Variants in SPHKAP observed in about 807,000 individuals in gnomAD.
The protein encoded by SPHKAP is SPHK1 interactor, AKAP domain containing, also known as A-kinase anchor protein SPHKAP.
A neutral mutation model predicts 137.5 loss-of-function variants in SPHKAP; 67 were observed. The ratio of observed to expected loss-of-function variants is 0.49; its 90% CI spans 0.40 to 0.60. SPHKAP has a LOEUF of 0.60. SPHKAP is among the 20% of genes least tolerant of loss of function. The pLI is 0.00. For missense variants in SPHKAP, 2,097 were observed against 2,069.3 expected, an observed-to-expected ratio of 1.01 and a Z score of -0.26; for synonymous variants, 813 against 785.3, an observed-to-expected ratio of 1.04 and a Z score of -0.59.
At chr2:228,171,485 G>A (rs1378855700) in intron 1 of SPHKAP, among the ~76,000 whole-genome samples, 3 of 152,250 alleles carry the variant, frequency 2.0e-5, no homozygotes, top group Non-Finnish European at 4.4e-5. Flanking sequence ...TTGTATAGGT[G>A]AGTCTCTTCT....
chr2:228,010,317 A>G lies in SPHKAP; in HGVS notation c.4448+6089T>C, dbSNP rs545347428. ...AGAGGCAGGTGGATCACCTGAGGTC[A>G]GGAGTTCAAGACCAGCCTGGCCAAC... On this transcript the variant is annotated intron_variant, in intron 7 of 11. Transcript: ENST00000392056. Among the ~76,000 whole-genome samples the G allele has an allele frequency of 3.3e-5, 5 of 152,298 alleles. No homozygotes were observed. In the South Asian group the frequency reaches 1.0e-3, roughly 32 times the overall value.
chr2:228,167,688 A>G (rs1380287941), intron 1 of SPHKAP, among the ~76,000 whole-genome samples: 2 of 152,218 alleles, frequency 1.3e-5, no homozygotes, highest in African/African-American at 4.8e-5. Context: ...CTATTCGTAT[A>G]CGCAGTCTAC....
rs777969051 is a variant in SPHKAP, at chr2:227,991,289, A to G, written c.4759T>C (p.Ser1587Pro). The G allele has an allele frequency of 1.9e-6, 3 of 1,614,214 alleles. No homozygotes were observed. In the South Asian group the frequency reaches 3.3e-5, roughly 18 times the overall value. The change falls in exon 10 of 12, where the codon TCA becomes CCA. Residue 1587 changes from serine (S) to proline (P), a missense_variant. Physicochemically the swap from Ser to Pro is moderately conservative, Grantham distance 74 (BLOSUM62 -1). Transcript: ENST00000392056. ...VEEKKILKGQ[S>P]ESTEAPASGP... ...GGTGGCTTACCCTCTGTGCTTTCTG[A>G]CTGTCCTTTAAGAATCTTCTTTTCT...
intron 2 of SPHKAP, among the ~76,000 whole-genome samples, chr2:228,109,952 G>C (rs12996180): frequency 6.4e-4 from 19 of 29,612 alleles, no homozygotes; most frequent in East Asian, 1.5e-3. Flanking sequence ...GAGTGAAAAT[G>C]TCTCAAAAAA....
chr2:228,099,333 G>T (rs1341540392), intron 3 of SPHKAP, among the ~76,000 whole-genome samples: 1 of 152,120 alleles, frequency 6.6e-6, no homozygotes, highest in East Asian at 1.9e-4. Context: ...CCAGATGGTG[G>T]TAGATGTGCA....
rs562493561 is a variant in SPHKAP at position 228,120,856 on chromosome 2, G to A, written c.138+11124C>T. Among the ~76,000 whole-genome samples, 126 of 152,262 alleles carry A rather than the reference G, an allele frequency of 8.3e-4. 1 individual carries two copies. The highest frequency in any genetic ancestry group is 6.8e-3 in the Middle Eastern group (2 of 294). On this transcript the variant is annotated intron_variant, in intron 2 of 11. Coordinates refer to ENST00000392056, the MANE Select transcript of SPHKAP (RefSeq NM_001142644.2). ...GAGTTACAAAAACAGATACACTCAG[G>A]AAATGCAAATATAGTATAATTTATG...
chr2:228,122,688 C>T (rs2106364666), intron 2 of SPHKAP, among the ~76,000 whole-genome samples: 1 of 152,298 alleles, frequency 6.6e-6, no homozygotes, highest in Middle Eastern at 3.4e-3. Context: ...CCATTCTTGA[C>T]CTGCTTTTGC....
intron 3 of SPHKAP, among the ~76,000 whole-genome samples, chr2:228,039,440 GT>G (rs1553616241): frequency 1.2e-4 from 7 of 60,040 alleles, no homozygotes; most frequent in African/African-American, 4.1e-4. Context: ...GAAATACACA[GT>G]TTTTTTTAGT....
At chr2:228,179,433 G>T (rs1700835703) in intron 1 of SPHKAP, among the ~76,000 whole-genome samples, 1 of 152,096 alleles carries the variant, frequency 6.6e-6, no homozygotes, top group African/African-American at 2.4e-5. Context: ...AATCCCTATG[G>T]CTTTCAATTA....
chr2:228,031,043 G>A (rs148882477), intron 3 of SPHKAP, among the ~76,000 whole-genome samples: 313 of 152,292 alleles, frequency 2.1e-3, no homozygotes, highest in African/African-American at 6.7e-3. Flanking sequence ...GCAGCGCACC[G>A]TGCATGAGCC....
chr2:228,162,079 T>G (rs1700291687), intron 1 of SPHKAP, among the ~76,000 whole-genome samples: 1 of 152,226 alleles, frequency 6.6e-6, no homozygotes, highest in Non-Finnish European at 1.5e-5. Context: ...TTTGTTTTTA[T>G]TTTTGATAGA....
At chr2:227,993,973 G>T in intron 8 of SPHKAP, 2 of 835,966 alleles carry the variant, frequency 2.4e-6, no homozygotes, top group Non-Finnish European at 2.9e-6. Context: ...TTTATCTATC[G>T]GCAAGAGATT....
chr2:228,067,101 GT>G lies in SPHKAP; in HGVS notation c.247-39559del, dbSNP rs1273318820. Reference sequence around the variant, plus strand: ...TATGTTGAAAGACTCAACAACCTTGGTTTTTTATGTTGTCGTTGCATGGTGA... The same window carrying G: ...TATGTTGAAAGACTCAACAACCTTGGTTTTTATGTTGTCGTTGCATGGTGA... On this transcript the variant is annotated intron_variant, in intron 3 of 11. Coordinates refer to ENST00000392056, the MANE Select transcript of SPHKAP (RefSeq NM_001142644.2). Among the ~76,000 whole-genome samples the G allele has an allele frequency of 2.0e-5, 3 of 152,276 alleles. No homozygotes were observed. The South Asian group carries it at 6.2e-4, about 32-fold the overall frequency.
At chr2:228,045,967 T>C (rs1348039918) in intron 3 of SPHKAP, among the ~76,000 whole-genome samples, 3 of 152,096 alleles carry the variant, frequency 2.0e-5, no homozygotes, top group African/African-American at 7.2e-5. Context: ...AGTTTTAAGA[T>C]GAATCAGTTC....
intron 7 of SPHKAP, among the ~76,000 whole-genome samples, chr2:228,008,331 C>A: frequency 6.8e-6 from 1 of 146,568 alleles, no homozygotes; most frequent in East Asian, 2.0e-4. Flanking sequence ...GAGTCTTGCT[C>A]TGTCACCCAG....
At chr2:228,021,991 A>C in intron 5 of SPHKAP, 25 bp from the exon 6 acceptor site, 1 of 1,550,108 alleles carries the variant, frequency 6.5e-7, no homozygotes, top group East Asian at 2.3e-5. Context: ...AAAAGAAGGC[A>C]TTTATTCAAA....
intron 1 of SPHKAP, among the ~76,000 whole-genome samples, chr2:228,154,512 C>CTCTCTCTCTA (rs1393941364): frequency 2.9e-3 from 63 of 22,064 alleles, no homozygotes; most frequent in South Asian, 4.6e-3. Context: ...CTCTCTCTCT[C>CTCTCTCTCTA]TATATATATA....
chr2:228,117,896 A>G (rs1206490668), intron 2 of SPHKAP, among the ~76,000 whole-genome samples: 1 of 151,616 alleles, frequency 6.6e-6, no homozygotes, highest in Non-Finnish European at 1.5e-5. Context: ...TTCATTGAAA[A>G]GAGGACCTGA....
chr2:228,175,050 C>G (rs1246875526), intron 1 of SPHKAP, among the ~76,000 whole-genome samples: 1 of 129,030 alleles, frequency 7.8e-6, no homozygotes, highest in Admixed American at 7.5e-5. Flanking sequence ...GAAACAAAAA[C>G]AAAATTATAA....
Sources: gnomAD v4.1 joint callset for allele counts (sites outside exome capture counted in the v4.1 genomes callset) on GRCh38, gnomAD v4.1.1 for gene constraint, MANE v1.5 for transcripts, NCBI Gene and HGNC (gene_info 2026-07-23, HGNC 2026-07-21) for gene names.